Variants in NRL observed in about 807,000 individuals in gnomAD.
NRL encodes the protein neural retina leucine zipper.
In NRL, 16 loss-of-function variants were observed where a neutral mutation model predicts 12.5. The ratio of observed to expected loss-of-function variants is 1.28; its 90% CI spans 0.87 to 1.95. The LOEUF is 1.95. NRL is among the 30% of genes most tolerant of loss of function. NRL has a pLI of 0.00. For missense variants in NRL, 314 were observed against 325.8 expected (o/e 0.96, Z 0.28); for synonymous variants, 142 against 150.9 (o/e 0.94, Z 0.43).
chr14:24,103,131 G>A lies in NRL; in HGVS notation c.-28+11591C>T, dbSNP rs748188739. On this transcript the variant is annotated intron_variant, in intron 1 of 2. Transcript: ENST00000561028. ...GAGTTAGGGTCCAAAGAAAAGGGCT[G>A]CCTGTGACTCTGTTCATTGGTGATC... 4 of 1,553,186 alleles carry A rather than the reference G, an allele frequency of 2.6e-6. No homozygotes were observed. In the South Asian group the frequency reaches 4.5e-5, roughly 17 times the overall value.
chr14:24,108,246 C>T (rs960030373), intron 1 of NRL, among the ~76,000 whole-genome samples: 1 of 152,164 alleles, frequency 6.6e-6, no homozygotes, highest in African/African-American at 2.4e-5. Context: ...TTCATTGATA[C>T]TGGATTGGTC....
chr14:24,087,163 G>A (rs1037250341), intron 1 of NRL, among the ~76,000 whole-genome samples: 1 of 152,214 alleles, frequency 6.6e-6, no homozygotes, highest in Non-Finnish European at 1.5e-5. Context: ...TGGATTAAAG[G>A]AGACAGAAAG....
intron 1 of NRL, chr14:24,096,867 C>T (rs1030373190): frequency 6.2e-7 from 1 of 1,601,104 alleles, no homozygotes; most frequent in African/African-American, 1.3e-5. Context: ...CAGCAACTAG[C>T]TCATTGCCTC....
intron 1 of NRL, among the ~76,000 whole-genome samples, chr14:24,090,198 G>A (rs2036575208): frequency 6.9e-6 from 1 of 145,660 alleles, no homozygotes; most frequent in Non-Finnish European, 1.5e-5. Flanking sequence ...TAACCAAGTT[G>A]AGCCTGAGGA....
intron 1 of NRL, chr14:24,093,927 C>A (rs2138915033): frequency 2.2e-6 from 1 of 449,958 alleles, no homozygotes; most frequent in East Asian, 3.6e-5. Context: ...ATGCCCAACC[C>A]CCTAACTTCT....
In NRL at chr14:24,094,013, C is replaced by T; in HGVS notation, c.-27-11138G>A. 1 of 520,038 alleles carries T rather than the reference C, an allele frequency of 1.9e-6. No homozygotes were observed. Among genetic ancestry groups the T allele is most frequent in the Non-Finnish European group, 3.4e-6 (1 of 297,338 alleles). The allele number at this position is 520,038 out of a possible 1,614,324, so 32.2% of individuals were successfully genotyped here. ...AGCTTGTTTGCCACCTAGTGTCTCT[C>T]CCGGGAGCAAGAGTCCTCAAAGTTA... On this transcript the variant is annotated intron_variant, in intron 1 of 2. Coordinates refer to ENST00000561028, the MANE Select transcript of NRL (RefSeq NM_001354768.3). The surrounding 1 kb of genome is among the most constrained non-coding windows in gnomAD (Gnocchi z 4.1).
chr14:24,099,303 C>T (rs1033473187), intron 1 of NRL: 3 of 1,447,294 alleles, frequency 2.1e-6, no homozygotes, highest in Non-Finnish European at 1.9e-6. Context: ...GGCCAGTCTG[C>T]CTCAGCCTCA....
chr14:24,114,625 GCAGTTC>G, intron 1 of NRL, 91 bp downstream of exon 1: 1 of 953,856 alleles, frequency 1.0e-6, no homozygotes, highest in Non-Finnish European at 1.2e-6. Context: ...CAGGAAGCTG[GCAGTTC>G]CCACTTACTC....
At chr14:24,090,733 A>AGCTGGTGGGCCAGGCTCT (rs777335427) in intron 1 of NRL, among the ~76,000 whole-genome samples, 37 of 152,340 alleles carry the variant, frequency 2.4e-4, no homozygotes, top group South Asian at 1.7e-3. Flanking sequence ...ACATAGGGCC[A>AGCTGGTGGGCCAGGCTCT]GCTGGTGGGC....
chr14:24,105,244 T>G (rs1461775234), intron 1 of NRL, among the ~76,000 whole-genome samples: 1 of 152,252 alleles, frequency 6.6e-6, no homozygotes, highest in Non-Finnish European at 1.5e-5. Context: ...TAAGAATACC[T>G]TTAAGCGGTT....
chr14:24,111,812 A>C (rs1178344553), intron 1 of NRL, among the ~76,000 whole-genome samples: 2 of 142,056 alleles, frequency 1.4e-5, no homozygotes, highest in African/African-American at 2.7e-5. Flanking sequence ...TCTTTTCCTA[A>C]TTGAATACCC....
At position 24,085,672 on chromosome 14, in the gene NRL, G is replaced by T. The variant is rs62000825; in HGVS notation, c.-27-2797C>A. 2.2e-3 allele frequency among the ~76,000 whole-genome samples: 341 copies of T among 152,324 alleles called. No individual in the cohort carries two copies. The highest frequency in any genetic ancestry group is 4.2e-3 in the Non-Finnish European group (285 of 68,034). ...TCTTTCTCAACACAGAGGCCTGGGTGTCCATCAGACCCCAAAGGTCATCAC... is the reference window on the plus strand; with the variant it reads ...TCTTTCTCAACACAGAGGCCTGGGTTTCCATCAGACCCCAAAGGTCATCAC... On this transcript the variant is annotated intron_variant, in intron 1 of 2. Coordinates refer to ENST00000561028, the MANE Select transcript of NRL (RefSeq NM_001354768.3). This position sits in a 1 kb window ranked among gnomAD's most constrained non-coding sequence, Gnocchi z 4.1.
In NRL at chr14:24,112,389, A is replaced by G. The variant is rs560611561; in HGVS notation, c.-28+2333T>C. On this transcript the variant is annotated intron_variant, in intron 1 of 2. Coordinates refer to ENST00000561028, the MANE Select transcript of NRL (RefSeq NM_001354768.3). The stretch of plus-strand genomic sequence containing the variant: ...GGAGGATGACAAATGGGATCTAATT[A>G]AACTAAAGAGCTTCTGCACAGCAAA... Among the ~76,000 whole-genome samples, 259 of 151,336 alleles carry G rather than the reference A, an allele frequency of 1.7e-3. 1 individual carries two copies. Among genetic ancestry groups the G allele is most frequent in the Non-Finnish European group, 2.8e-3 (189 of 67,922 alleles).
Position 24,082,666 on chromosome 14 carries a change from T to G in NRL, c.183A>C (p.Ala61=). The change falls in exon 2 of 3, where the codon GCA becomes GCC. Residue 61 remains alanine, a synonymous_variant. Coordinates refer to ENST00000561028, the MANE Select transcript of NRL (RefSeq NM_001354768.3). ...CCAGGCCTGGCCGGGTGCCCTCGGTTGCCCCCACCATGCCTGGTTCACTGA... is the reference window on the plus strand; with the variant it reads ...CCAGGCCTGGCCGGGTGCCCTCGGTGGCCCCCACCATGCCTGGTTCACTGA... The part of the protein sequence containing the change: ...PTFSEPGMVG[A]TEGTRPGLEE... 1 of 1,614,086 alleles carries G rather than the reference T, an allele frequency of 6.2e-7. No homozygotes were observed. The highest frequency in any genetic ancestry group is 8.5e-7 in the Non-Finnish European group (1 of 1,180,020).
chr14:24,098,817 AG>A (rs2037020059), intron 1 of NRL: 1 of 780,530 alleles, frequency 1.3e-6, no homozygotes, highest in Non-Finnish European at 2.1e-6. Context: ...CAGCAGTCCC[AG>A]CAGAGGGATA....
rs201814810 is a variant in NRL at position 24,099,204 on chromosome 14, C to T, written c.-28+15518G>A. On this transcript the variant is annotated intron_variant, in intron 1 of 2. Transcript: ENST00000561028. ...CCTACGCATCGCCTCTCGGCTGGCC[C>T]GGGATGAGGGCTGGCTGGCAGAGCA... 6.2e-5 allele frequency: 100 copies of T among 1,601,592 alleles called. No homozygotes were observed. The highest frequency in any genetic ancestry group is 8.3e-5 in the Admixed American group (5 of 59,962).
In NRL at chr14:24,094,998, C is replaced by T. The variant is rs544430040; in HGVS notation, c.-27-12123G>A. ...CCTGGGCCCAGGGGAGGGAGGCAAG[C>T]AAGGTGGGAGGAGGGCGCCAAGTTG... On this transcript the variant is annotated intron_variant, in intron 1 of 2. Transcript: ENST00000561028. The surrounding 1 kb of genome is among the most constrained non-coding windows in gnomAD (Gnocchi z 4.1). The T allele has an allele frequency of 7.4e-6, 4 of 540,624 alleles. No homozygotes were observed. The highest frequency in any genetic ancestry group is 3.9e-5 in the African/African-American group (2 of 51,296). The allele number at this position is 540,624 out of a possible 1,614,324, so 33.5% of individuals were successfully genotyped here.
intron 1 of NRL, among the ~76,000 whole-genome samples, chr14:24,101,227 G>A (rs2037148973): frequency 6.6e-6 from 1 of 152,232 alleles, no homozygotes; most frequent in African/African-American, 2.4e-5. Flanking sequence ...GGCATAACTA[G>A]GGCATCTTGT....
chr14:24,095,055 C>T (rs973401219), intron 1 of NRL: 1 of 447,268 alleles, frequency 2.2e-6, no homozygotes, highest in African/African-American at 2.0e-5. Flanking sequence ...GCTTCTTCCT[C>T]CGTCCAGGCC....
Sources: allele counts gnomAD v4.1 joint callset (sites outside exome capture counted in the v4.1 genomes callset), GRCh38; gene constraint gnomAD v4.1.1; non-coding constraint Gnocchi (gnomAD v3.1); transcripts MANE v1.5; gene names NCBI Gene and HGNC (gene_info 2026-07-23, HGNC 2026-07-21).